Variants in CRACD observed in about 807,000 individuals in gnomAD.
CRACD encodes capping protein-inhibiting regulator of actin dynamics.
CRACD carries 56 observed loss-of-function variants against 106.8 expected under a neutral mutation model. That is an observed-to-expected ratio of 0.52 (90% confidence interval 0.42 to 0.66). The LOEUF (loss-of-function observed/expected upper bound fraction) is 0.66, where lower values mean the gene tolerates loss of function less well. Among genes scored for constraint, CRACD ranks in the 30% least tolerant of loss-of-function variants. The pLI, the probability that CRACD is intolerant of heterozygous loss-of-function variation, is 0.00. For synonymous variants in CRACD, 754 were observed against 670.8 expected, an observed-to-expected ratio of 1.12 and a Z score of -1.92; for missense variants, 1,730 against 1,623.2, an observed-to-expected ratio of 1.07 and a Z score of -1.13.
At position 56,307,598 on chromosome 4, in the gene CRACD, G is replaced by A. The variant is rs1264975525; in HGVS notation, c.184G>A (p.Ala62Thr). 1.2e-6 allele frequency: 2 copies of A among 1,614,182 alleles called. No individual in the cohort carries two copies. Among genetic ancestry groups the A allele is most frequent in the South Asian group, 2.2e-5 (2 of 91,088 alleles). The stretch of plus-strand genomic sequence containing the variant: ...ACCCAATGCCATTCCCATGAATAAG[G>A]CAAACAGTGGAGAGGCTAGCTTAGA... ...RSPNAIPMNKANSGEASLEED... is the reference protein window; with the variant it reads ...RSPNAIPMNKTNSGEASLEED... Residue 62 changes from alanine (A) to threonine (T), a missense_variant, in exon 5 of 11, where the codon GCA becomes ACA. Coordinates refer to ENST00000682029, the MANE Select transcript of CRACD (RefSeq NM_001393381.1).
intron 2 of CRACD, among the ~76,000 whole-genome samples, chr4:56,179,810 G>T (rs909057623): frequency 7.9e-5 from 12 of 152,074 alleles, no homozygotes; most frequent in African/African-American, 2.9e-4. Flanking sequence ...TTGAGGTCAG[G>T]AGTTCGAGAC....
intron 1 of CRACD, among the ~76,000 whole-genome samples, chr4:56,110,607 T>A (rs978147980): frequency 1.3e-5 from 2 of 152,156 alleles, no homozygotes; most frequent in African/African-American, 4.8e-5. Context: ...TACAAGATTT[T>A]TTTTTTTGAG....
chr4:56,282,940 G>A (rs960395140), intron 3 of CRACD, among the ~76,000 whole-genome samples: 1 of 152,208 alleles, frequency 6.6e-6, no homozygotes, highest in East Asian at 1.9e-4. Context: ...ACGCCTCTCC[G>A]CTCTCCTTAG....
At chr4:56,185,111 C>T (rs1288140199) in intron 2 of CRACD, among the ~76,000 whole-genome samples, 1 of 152,168 alleles carries the variant, frequency 6.6e-6, no homozygotes, top group African/African-American at 2.4e-5. Context: ...CGCCCACCAC[C>T]ACGCCCGGCT....
intron 1 of CRACD, among the ~76,000 whole-genome samples, chr4:56,129,318 T>G (rs1388089597): frequency 6.6e-6 from 1 of 152,230 alleles, no homozygotes; most frequent in African/African-American, 2.4e-5. Context: ...TCCTCTTGTC[T>G]CAGCCTCCCA....
In CRACD at chr4:56,188,654, T is replaced by C. The variant is rs529892758; in HGVS notation, c.-189+9224T>C. Reference sequence around the variant, plus strand: ...CTCTCTCTCTCTCTCTCTCTATCTCTCTATTTCTCTCTCTCTCTCTCTCTC... The same window carrying C: ...CTCTCTCTCTCTCTCTCTCTATCTCCCTATTTCTCTCTCTCTCTCTCTCTC... On this transcript the variant is annotated intron_variant, in intron 2 of 10. Coordinates refer to ENST00000682029, the MANE Select transcript of CRACD (RefSeq NM_001393381.1). Among the ~76,000 whole-genome samples the C allele has an allele frequency of 8.5e-5, 12 of 140,700 alleles. No homozygotes were observed. The East Asian group carries it at 2.5e-3, about 30-fold the overall frequency. 92.3% of individuals were successfully genotyped at this position (140,700 alleles called of 152,430 possible). A position where few individuals can be genotyped will look rare whatever the true frequency, so the allele number is the denominator to read the frequency against.
chr4:56,184,514 GCTAGGGT>G (rs765112546), intron 2 of CRACD, among the ~76,000 whole-genome samples: 2 of 152,208 alleles, frequency 1.3e-5, no homozygotes, highest in Non-Finnish European at 2.9e-5. Context: ...CACAGGTCTG[GCTAGGGT>G]TCTAGAGTCT....
chr4:56,193,947 T>C (rs1279891475), intron 2 of CRACD, among the ~76,000 whole-genome samples: 1 of 152,154 alleles, frequency 6.6e-6, no homozygotes, highest in Non-Finnish European at 1.5e-5. Context: ...TTGTGGGCAC[T>C]CAGTGAGTAG....
intron 2 of CRACD, among the ~76,000 whole-genome samples, chr4:56,253,497 C>A (rs1055888564): frequency 7.2e-5 from 11 of 152,196 alleles, no homozygotes; most frequent in Middle Eastern, 3.4e-3. Flanking sequence ...TTTAAGACTC[C>A]AGGGTTTGTT....
At chr4:56,197,394 CTTAT>C (rs1345348170) in intron 2 of CRACD, among the ~76,000 whole-genome samples, 2 of 152,016 alleles carry the variant, frequency 1.3e-5, no homozygotes, top group African/African-American at 4.8e-5. Context: ...TTGAAAATAG[CTTAT>C]TTAGATGTTA....
rs71192081 is a variant in CRACD, at chr4:56,226,876, G to GTC, written c.-188-45428_-188-45427dup. Among the ~76,000 whole-genome samples, 129 of 145,930 alleles carry GTC rather than the reference G, an allele frequency of 8.8e-4. 1 individual carries two copies. The highest frequency in any genetic ancestry group is 3.5e-3 in the Middle Eastern group (1 of 284). The stretch of plus-strand genomic sequence containing the variant: ...TGTCTCTTTCTCTCTCTCTCTCTCT[G>GTC]TCTCTCTCTCTCTCTCTCCCTTCCT... On this transcript the variant is annotated intron_variant, in intron 2 of 10. Coordinates refer to ENST00000682029, the MANE Select transcript of CRACD (RefSeq NM_001393381.1).
chr4:56,219,464 C>G (rs1389071835), intron 2 of CRACD, among the ~76,000 whole-genome samples: 3 of 152,196 alleles, frequency 2.0e-5, no homozygotes, highest in African/African-American at 7.2e-5. Context: ...TCTTGTGCCT[C>G]AGCCTCCCGA....
Position 56,090,680 on chromosome 4 carries a change from C to T in CRACD, c.-336+41381C>T, listed in dbSNP as rs148341152. 8.2e-3 allele frequency among the ~76,000 whole-genome samples: 1,248 copies of T among 152,210 alleles called. 11 individuals carry two copies. Among genetic ancestry groups the T allele is most frequent in the African/African-American group, 0.029 (1,190 of 41,536 alleles). ...GAAGTGCTGGGGTTATATGTGTAAGCCACTGCGCCCAGTCAGGGCCAGGGA... is the reference window on the plus strand; with the variant it reads ...GAAGTGCTGGGGTTATATGTGTAAGTCACTGCGCCCAGTCAGGGCCAGGGA... On this transcript the variant is annotated intron_variant, in intron 1 of 10. Coordinates refer to ENST00000682029, the MANE Select transcript of CRACD (RefSeq NM_001393381.1).
intron 1 of CRACD, among the ~76,000 whole-genome samples, chr4:56,154,353 C>A (rs1197886433): frequency 6.6e-6 from 1 of 152,110 alleles, no homozygotes; most frequent in Non-Finnish European, 1.5e-5. Context: ...GTAGTCCCAG[C>A]TACTCGGGAG....
intron 1 of CRACD, among the ~76,000 whole-genome samples, chr4:56,151,813 T>G (rs1372971377): frequency 6.6e-6 from 1 of 152,126 alleles, no homozygotes; most frequent in Non-Finnish European, 1.5e-5. Flanking sequence ...ATCTCTCAGT[T>G]TATGATTGGC....
intron 1 of CRACD, among the ~76,000 whole-genome samples, chr4:56,068,302 G>A (rs570293073): frequency 6.6e-6 from 1 of 152,336 alleles, no homozygotes; most frequent in African/African-American, 2.4e-5. Flanking sequence ...GGCCAAGCCT[G>A]CCTGCCAGAT....
intron 4 of CRACD, among the ~76,000 whole-genome samples, chr4:56,303,458 T>C (rs1294713332): frequency 6.6e-6 from 1 of 152,188 alleles, no homozygotes; most frequent in Non-Finnish European, 1.5e-5. Flanking sequence ...ATCTTAACAG[T>C]CTGGTTTTCA....
intron 1 of CRACD, among the ~76,000 whole-genome samples, chr4:56,066,768 C>G (rs945425389): frequency 1.3e-5 from 2 of 152,030 alleles, no homozygotes; most frequent in South Asian, 2.1e-4. Context: ...ACAGGGAAGG[C>G]CTGTCTCAGT....
At chr4:56,233,458 C>T (rs1391831419) in intron 2 of CRACD, among the ~76,000 whole-genome samples, 1 of 152,040 alleles carries the variant, frequency 6.6e-6, no homozygotes, top group African/African-American at 2.4e-5. Flanking sequence ...AACATTTCCT[C>T]ACTAAATTGC....
Sources: gnomAD v4.1 joint callset for allele counts (sites outside exome capture counted in the v4.1 genomes callset) on GRCh38, gnomAD v4.1.1 for gene constraint, MANE v1.5 for transcripts, NCBI Gene and HGNC (gene_info 2026-07-23, HGNC 2026-07-21) for gene names.